JARID2: variants seen among roughly 807,000 people sequenced by gnomAD.
The protein encoded by JARID2 is jumonji and AT-rich interaction domain containing 2.
JARID2 carries 21 observed loss-of-function variants against 125.6 expected under a neutral mutation model. The ratio of observed to expected loss-of-function variants is 0.17; its 90% CI spans 0.12 to 0.24. JARID2 has a LOEUF of 0.24. JARID2 is among the 10% of genes least tolerant of loss of function. JARID2 has a pLI of 1.00. For synonymous variants in JARID2, 736 were observed against 661.6 expected (o/e 1.11, Z -1.73); for missense variants, 1,303 against 1,639.6 (o/e 0.79, Z 3.55).
intron 1 of JARID2, among the ~76,000 whole-genome samples, chr6:15,347,043 A>C (rs1466301516): frequency 1.3e-5 from 2 of 152,136 alleles, no homozygotes; most frequent in Non-Finnish European, 2.9e-5. Context: ...CAGTAATTGT[A>C]ATATTTTATA....
rs1001383663 is a variant in JARID2, at chr6:15,262,726, C to T, written c.45+16142C>T. Among the ~76,000 whole-genome samples the T allele has an allele frequency of 2.6e-5, 4 of 151,814 alleles. No homozygotes were observed. The South Asian group carries it at 6.2e-4, about 24-fold the overall frequency. ...CTAATTTTTGTATTCTTAGTAGAGA[C>T]GGGGTTTCACCACGATGGCCAGGCT... On this transcript the variant is annotated intron_variant, in intron 1 of 17. Transcript: ENST00000341776.
At chr6:15,413,885 G>T (rs1459018027) in intron 3 of JARID2, among the ~76,000 whole-genome samples, 5 of 152,212 alleles carry the variant, frequency 3.3e-5, no homozygotes, top group African/African-American at 1.2e-4. Context: ...TCTCAGCACT[G>T]TTGGATTAGG....
chr6:15,350,730 G>T (rs930923064), intron 1 of JARID2, among the ~76,000 whole-genome samples: 22 of 130,410 alleles, frequency 1.7e-4, no homozygotes, highest in African/African-American at 2.0e-4. Flanking sequence ...ATAGTTTAAG[G>T]TTTTTTTTTT....
chr6:15,378,303 G>A (rs1455025111), intron 2 of JARID2, among the ~76,000 whole-genome samples: 1 of 151,302 alleles, frequency 6.6e-6, no homozygotes, highest in African/African-American at 2.4e-5. Context: ...AAATTTGTCT[G>A]GTGGTAGAGT....
At chr6:15,398,851 G>A (rs557345920) in intron 2 of JARID2, among the ~76,000 whole-genome samples, 7 of 152,264 alleles carry the variant, frequency 4.6e-5, no homozygotes, top group South Asian at 2.1e-4. Context: ...CTAATCATAC[G>A]TGATTCTGAA....
intron 1 of JARID2, among the ~76,000 whole-genome samples, chr6:15,251,356 A>T (rs571033466): frequency 6.6e-6 from 1 of 152,196 alleles, no homozygotes; most frequent in Non-Finnish European, 1.5e-5. Flanking sequence ...CTTGCTCATG[A>T]TGGTGTGAGG....
chr6:15,300,063 G>A (rs1761549810), intron 1 of JARID2, among the ~76,000 whole-genome samples: 1 of 152,154 alleles, frequency 6.6e-6, no homozygotes, highest in Admixed American at 6.5e-5. Context: ...TGCCATGTAT[G>A]CTCAAAATAT....
At chr6:15,404,548 C>G (rs1237809931) in intron 2 of JARID2, among the ~76,000 whole-genome samples, 1 of 151,112 alleles carries the variant, frequency 6.6e-6, no homozygotes, top group East Asian at 1.9e-4. Context: ...CACACACACA[C>G]ACACACACAC....
At chr6:15,357,150 G>T (rs1763632237) in intron 1 of JARID2, among the ~76,000 whole-genome samples, 1 of 152,236 alleles carries the variant, frequency 6.6e-6, no homozygotes, top group Admixed American at 6.5e-5. Flanking sequence ...ACTAGGGGCT[G>T]CTGCAGCCAG....
chr6:15,296,973 A>ATCC lies in JARID2; in HGVS notation c.45+50392_45+50394dup, dbSNP rs1761438900. ...CTGCTTACATCCTGTGACTGTCTCC[A>ATCC]TCCTCAGAGTGTCCCCTCCTAGTTT... On this transcript the variant is annotated intron_variant, in intron 1 of 17. Coordinates refer to ENST00000341776, the MANE Select transcript of JARID2 (RefSeq NM_004973.4). Among the ~76,000 whole-genome samples the ATCC allele has an allele frequency of 3.9e-5, 6 of 152,292 alleles. No homozygotes were observed. The South Asian group carries it at 1.2e-3, about 32-fold the overall frequency.
chr6:15,268,036 G>A (rs1488730337), intron 1 of JARID2, among the ~76,000 whole-genome samples: 2 of 152,106 alleles, frequency 1.3e-5, no homozygotes, highest in African/African-American at 4.8e-5. Context: ...GACGACAGTG[G>A]GACACCATAC....
At chr6:15,455,192 C>CA (rs36088738) in intron 4 of JARID2, among the ~76,000 whole-genome samples, 44,973 of 128,390 alleles carry the variant, frequency 0.35, 7,390 homozygotes, top group East Asian at 0.44. Flanking sequence ...CACTTTGTCT[C>CA]AAAAAAAAAA....
intron 4 of JARID2, among the ~76,000 whole-genome samples, chr6:15,467,897 G>A (rs889435672): frequency 6.6e-6 from 1 of 152,148 alleles, no homozygotes; most frequent in African/African-American, 2.4e-5. Context: ...AGATGTAAAA[G>A]GGTAAAGGTG....
At position 15,521,505 on chromosome 6, in the gene JARID2, T is replaced by C. The variant is rs1295465063; in HGVS notation, c.*1254T>C. ...GTTGGATTGGATGCTTACAGGGTTT[T>C]TCTTGTAACATTTATAAGTGCTGCT... On this transcript the variant is annotated 3_prime_UTR_variant, in exon 18 of 18. Transcript: ENST00000341776. 6.6e-6 allele frequency: 1 copy of C among 152,088 alleles called. No individual in the cohort carries two copies. Among genetic ancestry groups the C allele is most frequent in the Admixed American group, 6.5e-5 (1 of 15,282 alleles). The allele number at this position is 152,088 out of a possible 1,614,324, so 9.4% of individuals were successfully genotyped here. A position where few individuals can be genotyped will look rare whatever the true frequency, so the allele number is the denominator to read the frequency against.
At chr6:15,344,104 ATTTTTTTTTTT>A (rs58867061) in intron 1 of JARID2, among the ~76,000 whole-genome samples, 6 of 89,194 alleles carry the variant, frequency 6.7e-5, no homozygotes, top group Admixed American at 1.5e-4. Flanking sequence ...GTATGTAGTG[ATTTTTTTTTTT>A]TTTTTTTTTT....
chr6:15,435,049 G>C (rs116704278), intron 3 of JARID2, among the ~76,000 whole-genome samples: 1,552 of 152,300 alleles, frequency 0.01, 29 homozygotes, highest in African/African-American at 0.034. Flanking sequence ...AGTGTTCACT[G>C]TTTCAGGTGT....
intron 7 of JARID2, among the ~76,000 whole-genome samples, chr6:15,497,800 G>A (rs967966659): frequency 6.6e-6 from 1 of 152,158 alleles, no homozygotes; most frequent in Non-Finnish European, 1.5e-5. Flanking sequence ...CTGCCCCTCT[G>A]GATTCCACAC....
intron 2 of JARID2, among the ~76,000 whole-genome samples, chr6:15,381,197 CA>C (rs1306603959): frequency 1.5e-3 from 215 of 139,646 alleles, no homozygotes; most frequent in African/African-American, 2.1e-3. Flanking sequence ...ACTAAAAATA[CA>C]AAAAAAAAAA....
At chr6:15,393,706 C>T (rs879904904) in intron 2 of JARID2, among the ~76,000 whole-genome samples, 3 of 152,110 alleles carry the variant, frequency 2.0e-5, no homozygotes, top group South Asian at 2.1e-4. Context: ...AGAATATACA[C>T]GAAATTGTTA....
Sources: allele counts gnomAD v4.1 joint callset (sites outside exome capture counted in the v4.1 genomes callset), GRCh38; gene constraint gnomAD v4.1.1; transcripts MANE v1.5; gene names NCBI Gene and HGNC (gene_info 2026-07-23, HGNC 2026-07-21).